NEO1: variants seen among roughly 807,000 people sequenced by gnomAD.
The protein encoded by NEO1 is neogenin 1.
Under a neutral mutation model 159.7 loss-of-function variants are expected in NEO1, and 63 were observed. That is an observed-to-expected ratio of 0.39 (90% confidence interval 0.32 to 0.49). The LOEUF (loss-of-function observed/expected upper bound fraction) is 0.49. Among genes scored for constraint, NEO1 ranks in the 20% least tolerant of loss-of-function variants. The pLI, the probability that NEO1 is intolerant of heterozygous loss-of-function variation, is 0.85. For missense variants in NEO1, 1,615 were observed against 1,831.0 expected (o/e 0.88, Z 2.15); for synonymous variants, 633 against 662.0 (o/e 0.96, Z 0.67).
In NEO1 at chr15:73,067,837, C is replaced by T. The variant is rs189355216; in HGVS notation, c.130+15032C>T. ...TTCACTGTGTTAGCTAGGATGGTCTCGATCTCCTGACCTCGTGATCCACCT... is the reference window on the plus strand; with the variant it reads ...TTCACTGTGTTAGCTAGGATGGTCTTGATCTCCTGACCTCGTGATCCACCT... On this transcript the variant is annotated intron_variant, in intron 1 of 28. Transcript: ENST00000261908. Among the ~76,000 whole-genome samples, 917 of 152,040 alleles carry T rather than the reference C, an allele frequency of 6.0e-3. 12 individuals are homozygous for T. The highest frequency in any genetic ancestry group is 0.021 in the African/African-American group (875 of 41,476).
intron 1 of NEO1, among the ~76,000 whole-genome samples, chr15:73,093,694 C>T (rs2069831324): frequency 6.6e-6 from 1 of 152,094 alleles, no homozygotes; most frequent in South Asian, 2.1e-4. Flanking sequence ...CCACCTCAAC[C>T]TCCCAAGTAG....
chr15:73,174,706 A>G (rs957925115), intron 5 of NEO1, among the ~76,000 whole-genome samples: 4 of 152,240 alleles, frequency 2.6e-5, no homozygotes, highest in African/African-American at 9.6e-5. Flanking sequence ...CCTTGAAATA[A>G]TAACTCTCAT....
intron 8 of NEO1, among the ~76,000 whole-genome samples, chr15:73,241,691 C>T (rs1403873003): frequency 1.3e-5 from 2 of 152,252 alleles, no homozygotes; most frequent in Non-Finnish European, 2.9e-5. Context: ...TAACCTGAGT[C>T]CCACTGTAAC....
chr15:73,221,718 T>A (rs1434306851), intron 7 of NEO1: 2 of 154,460 alleles, frequency 1.3e-5, no homozygotes, highest in Non-Finnish European at 2.9e-5. Flanking sequence ...TCTGTGGGCG[T>A]GGGACCCTCT....
chr15:73,183,004 G>A (rs1163301942), intron 7 of NEO1, among the ~76,000 whole-genome samples: 2 of 152,130 alleles, frequency 1.3e-5, no homozygotes, highest in African/African-American at 4.8e-5. Context: ...TAACTAAAAG[G>A]CCTTTAACTG....
chr15:73,093,838 C>T (rs1185664561), intron 1 of NEO1, among the ~76,000 whole-genome samples: 1 of 152,166 alleles, frequency 6.6e-6, no homozygotes, highest in Non-Finnish European at 1.5e-5. Context: ...CTTGGCCTCC[C>T]AGAGTGCTGG....
chr15:73,224,840 T>C (rs921201182), intron 7 of NEO1, among the ~76,000 whole-genome samples: 1 of 152,112 alleles, frequency 6.6e-6, no homozygotes, highest in Non-Finnish European at 1.5e-5. Context: ...CCACTGCTGG[T>C]GAACTAGTAT....
intron 5 of NEO1, among the ~76,000 whole-genome samples, chr15:73,138,764 A>ACAAAAAAC (rs1401388030): frequency 5.3e-5 from 7 of 133,224 alleles, no homozygotes; most frequent in Non-Finnish European, 1.0e-4. Flanking sequence ...TCAAAAAAAA[A>ACAAAAAAC]AAAAAAACAA....
chr15:73,111,753 T>C (rs1490974487), intron 1 of NEO1, among the ~76,000 whole-genome samples: 1 of 152,150 alleles, frequency 6.6e-6, no homozygotes, highest in Non-Finnish European at 1.5e-5. Context: ...CCCAAGTAGC[T>C]GGGACTACTG....
intron 1 of NEO1, among the ~76,000 whole-genome samples, chr15:73,107,070 T>C (rs1351124103): frequency 6.6e-6 from 1 of 152,216 alleles, no homozygotes. Flanking sequence ...ACTTTTAATT[T>C]CAAGCATTCT....
intron 3 of NEO1, among the ~76,000 whole-genome samples, chr15:73,125,622 AT>A (rs1216159145): frequency 2.0e-5 from 3 of 152,234 alleles, no homozygotes; most frequent in South Asian, 2.1e-4. Context: ...AAAACTCAAT[AT>A]TAAGTTAATA....
chr15:73,158,598 C>T (rs1314101843), intron 5 of NEO1, among the ~76,000 whole-genome samples: 1 of 152,070 alleles, frequency 6.6e-6, no homozygotes, highest in Admixed American at 6.5e-5. Context: ...CTTTGTTACC[C>T]AGGCTGGTCT....
At chr15:73,093,427 G>A (rs1390931091) in intron 1 of NEO1, among the ~76,000 whole-genome samples, 1 of 152,070 alleles carries the variant, frequency 6.6e-6, no homozygotes, top group Non-Finnish European at 1.5e-5. Context: ...TCTTCTGCAT[G>A]GGGTATTTGT....
intron 4 of NEO1, among the ~76,000 whole-genome samples, chr15:73,129,877 C>T (rs779008869): frequency 6.6e-6 from 1 of 152,106 alleles, no homozygotes; most frequent in Non-Finnish European, 1.5e-5. Flanking sequence ...CTAAATACAC[C>T]TAAAAACCCT....
At chr15:73,147,575 A>G (rs1165708872) in intron 5 of NEO1, among the ~76,000 whole-genome samples, 2 of 152,182 alleles carry the variant, frequency 1.3e-5, no homozygotes, top group Non-Finnish European at 2.9e-5. Flanking sequence ...TCTTTATTTA[A>G]AGAGCATAAC....
At position 73,067,950 on chromosome 15, in the gene NEO1, C is replaced by G. The variant is rs550065158; in HGVS notation, c.130+15145C>G. 2.6e-5 allele frequency among the ~76,000 whole-genome samples: 4 copies of G among 152,096 alleles called. No individual in the cohort carries two copies. The East Asian group carries it at 7.7e-4, about 29-fold the overall frequency. Reference sequence around the variant, plus strand: ...ATGATTTTCAAGCTTGTGTGGGTTCCTGTTCTAATATTTCAGGTATAGATG... The same window carrying G: ...ATGATTTTCAAGCTTGTGTGGGTTCGTGTTCTAATATTTCAGGTATAGATG... On this transcript the variant is annotated intron_variant, in intron 1 of 28. Coordinates refer to ENST00000261908, the MANE Select transcript of NEO1 (RefSeq NM_002499.4).
chr15:73,063,187 TA>T (rs1238200755), intron 1 of NEO1, among the ~76,000 whole-genome samples: 1 of 152,180 alleles, frequency 6.6e-6, no homozygotes, highest in East Asian at 1.9e-4. Flanking sequence ...CTTCTTTCCC[TA>T]ACCCCTGCAG....
intron 1 of NEO1, among the ~76,000 whole-genome samples, chr15:73,115,683 T>C (rs1420687744): frequency 1.3e-5 from 2 of 152,142 alleles, no homozygotes; most frequent in Non-Finnish European, 2.9e-5. Flanking sequence ...TGGTCAGAAG[T>C]TTTCTTGAAG....
At chr15:73,127,736 G>A (rs1310409718) in intron 4 of NEO1, among the ~76,000 whole-genome samples, 2 of 152,190 alleles carry the variant, frequency 1.3e-5, no homozygotes, top group African/African-American at 2.4e-5. Context: ...TTTATGTGAT[G>A]TACCAGTTAA....
Sources: gnomAD v4.1 joint callset for allele counts (sites outside exome capture counted in the v4.1 genomes callset) on GRCh38, gnomAD v4.1.1 for gene constraint, MANE v1.5 for transcripts, NCBI Gene and HGNC (gene_info 2026-07-23, HGNC 2026-07-21) for gene names.